Variants in UBE2D2 observed in about 807,000 individuals in gnomAD.
UBE2D2 encodes the protein ubiquitin conjugating enzyme E2 D2, also known as ubiquitin-conjugating enzyme E2 D2.
Under a neutral mutation model 24.2 loss-of-function variants are expected in UBE2D2, and 2 were observed. That is an observed-to-expected ratio of 0.08 (90% CI 0.03 to 0.26). UBE2D2 has a LOEUF of 0.26. UBE2D2 is among the 10% of genes least tolerant of loss of function. The pLI is 1.00. For missense variants in UBE2D2, 44 were observed against 177.6 expected (o/e 0.25, Z 4.28); for synonymous variants, 58 against 56.5 (o/e 1.03, Z -0.12).
intron 2 of UBE2D2, among the ~76,000 whole-genome samples, chr5:139,604,968 C>T (rs888605935): frequency 4.6e-5 from 7 of 151,438 alleles, no homozygotes; most frequent in Non-Finnish European, 8.8e-5. Context: ...AGCTAAATGT[C>T]CTTTTGTCAT....
chr5:139,563,005 T>C (rs1753143571), intron 1 of UBE2D2, among the ~76,000 whole-genome samples: 1 of 152,166 alleles, frequency 6.6e-6, no homozygotes, highest in Non-Finnish European at 1.5e-5. Context: ...GTGGAACTCC[T>C]GGGCTCAAGC....
intron 2 of UBE2D2, among the ~76,000 whole-genome samples, chr5:139,601,909 C>CAA (rs887066675): frequency 2.6e-5 from 2 of 75,626 alleles, no homozygotes; most frequent in Non-Finnish European, 5.3e-5. Context: ...GACTTACTCT[C>CAA]AAAAAAAAAA....
intron 1 of UBE2D2, among the ~76,000 whole-genome samples, chr5:139,551,545 G>A (rs1443299053): frequency 6.6e-6 from 1 of 152,136 alleles, no homozygotes; most frequent in Non-Finnish European, 1.5e-5. Context: ...CCCAAAACCT[G>A]TGAATATAAA....
chr5:139,605,896 A>G (rs1754189851), intron 2 of UBE2D2, among the ~76,000 whole-genome samples: 1 of 150,074 alleles, frequency 6.7e-6, no homozygotes, highest in Non-Finnish European at 1.5e-5. Context: ...ATGCCCCTAC[A>G]CCCCTGGCTA....
chr5:139,580,880 G>A (rs2126665159), intron 1 of UBE2D2, among the ~76,000 whole-genome samples: 1 of 152,288 alleles, frequency 6.6e-6, no homozygotes, highest in African/African-American at 2.4e-5. Flanking sequence ...TCACACCACT[G>A]TTCTCCAGCC....
chr5:139,532,512 C>A (rs1226921400), intron 1 of UBE2D2, among the ~76,000 whole-genome samples: 1 of 152,036 alleles, frequency 6.6e-6, no homozygotes, highest in Admixed American at 6.6e-5. Flanking sequence ...ACATCACACC[C>A]GGCTAATTTT....
upstream of UBE2D2, among the ~76,000 whole-genome samples, chr5:139,559,129 A>T (rs1236669090): frequency 1.3e-5 from 2 of 149,122 alleles, no homozygotes; most frequent in African/African-American, 2.4e-5. Context: ...GAATAACTTT[A>T]AAAAAAAAAT....
chr5:139,607,092 C>G (rs546515794), intron 2 of UBE2D2, among the ~76,000 whole-genome samples: 1 of 152,348 alleles, frequency 6.6e-6, no homozygotes, highest in African/African-American at 2.4e-5. Flanking sequence ...GCGTGAGCCA[C>G]CACGCCTAGC....
At chr5:139,559,261 C>T (rs1033256918), upstream of UBE2D2, among the ~76,000 whole-genome samples, 7 of 151,946 alleles carry the variant, frequency 4.6e-5, no homozygotes, top group African/African-American at 1.7e-4. Flanking sequence ...CCCGTTTCTA[C>T]TAAAAATACA....
chr5:139,583,743 C>T (rs763928443), intron 1 of UBE2D2, among the ~76,000 whole-genome samples: 16 of 152,040 alleles, frequency 1.1e-4, no homozygotes, highest in Non-Finnish European at 1.9e-4. Context: ...GCCTGGGCGA[C>T]GGAGCGAGAC....
At chr5:139,528,463 G>A (rs1156242881) in intron 1 of UBE2D2, among the ~76,000 whole-genome samples, 1 of 152,194 alleles carries the variant, frequency 6.6e-6, no homozygotes, top group South Asian at 2.1e-4. Flanking sequence ...CCAGAATGTA[G>A]GGCCCTGACC....
At chr5:139,542,117 G>T (rs554509249) in intron 1 of UBE2D2, among the ~76,000 whole-genome samples, 2 of 152,158 alleles carry the variant, frequency 1.3e-5, no homozygotes, top group African/African-American at 4.8e-5. Flanking sequence ...AACCTGGGAG[G>T]CGGAGGTTGC....
intron 2 of UBE2D2, among the ~76,000 whole-genome samples, chr5:139,604,293 G>A (rs962161477): frequency 2.6e-5 from 4 of 151,462 alleles, no homozygotes; most frequent in Non-Finnish European, 4.4e-5. Context: ...CACGTGCCCC[G>A]CCGCCCAGCT....
In UBE2D2 at chr5:139,533,809, G is replaced by C. The variant is rs1305735973; in HGVS notation, c.-64+7197G>C. On this transcript the variant is annotated intron_variant, in intron 1 of 6. Transcript: ENST00000511725. ...ATCTTTTTTTTTTTTTTGAGACGGA[G>C]TCTCACTCTGTCACCCAGGCTGGAG... 4.2e-4 allele frequency among the ~76,000 whole-genome samples: 62 copies of C among 147,594 alleles called. 1 individual carries two copies. The highest frequency in any genetic ancestry group is 7.4e-4 in the Non-Finnish European group (50 of 67,192).
At chr5:139,608,197 C>T (rs1754236724) in intron 2 of UBE2D2, among the ~76,000 whole-genome samples, 1 of 151,950 alleles carries the variant, frequency 6.6e-6, no homozygotes, top group Non-Finnish European at 1.5e-5. Flanking sequence ...TTTGGGAGAC[C>T]AAGGTGGGCG....
At chr5:139,606,345 T>G (rs1191923241) in intron 2 of UBE2D2, among the ~76,000 whole-genome samples, 1 of 152,038 alleles carries the variant, frequency 6.6e-6, no homozygotes, top group Non-Finnish European at 1.5e-5. Context: ...GTATTTTTAG[T>G]AGAGACTGGG....
At chr5:139,572,018 G>A (rs1253070476) in intron 1 of UBE2D2, among the ~76,000 whole-genome samples, 1 of 151,276 alleles carries the variant, frequency 6.6e-6, no homozygotes, top group Non-Finnish European at 1.5e-5. Context: ...TCCCATCTCT[G>A]ACATTTCAGT....
In UBE2D2 at chr5:139,553,606, G is replaced by C. The variant is rs546450649; in HGVS notation, c.-64+26994G>C. On this transcript the variant is annotated intron_variant, in intron 1 of 6. Coordinates refer to the UBE2D2 transcript ENST00000511725. ...AGTAAGGTAACAGAAGGTAAACCAG[G>C]GCCTGTATGATCCACATGGGGTGAG... Among the ~76,000 whole-genome samples, 54 of 152,062 alleles carry C rather than the reference G, an allele frequency of 3.6e-4. No individual in the cohort carries two copies. The South Asian group carries it at 0.011, about 30-fold the overall frequency.
At chr5:139,579,255 C>G (rs1022005638) in intron 1 of UBE2D2, among the ~76,000 whole-genome samples, 3 of 152,244 alleles carry the variant, frequency 2.0e-5, no homozygotes, top group African/African-American at 7.2e-5. Flanking sequence ...TCAAGCAATT[C>G]TCCTGCCTCA....
Sources: allele counts gnomAD v4.1 joint callset (sites outside exome capture counted in the v4.1 genomes callset), GRCh38; gene constraint gnomAD v4.1.1; transcripts MANE v1.5; gene names NCBI Gene and HGNC (gene_info 2026-07-23, HGNC 2026-07-21).